Variants in SLC14A2 observed in about 807,000 individuals in gnomAD.
SLC14A2 encodes the protein urea transporter 2.
A neutral mutation model predicts 104.6 loss-of-function variants in SLC14A2; 91 were observed. The observed-to-expected ratio is 0.87, with a 90% CI of 0.73 to 1.04. The LOEUF (loss-of-function observed/expected upper bound fraction) is 1.04, where lower values mean the gene tolerates loss of function less well. Among genes scored for constraint, SLC14A2 ranks in the 50% least tolerant of loss-of-function variants. SLC14A2 has a pLI of 0.00. For missense variants in SLC14A2, 1,189 were observed against 1,156.0 expected (o/e 1.03, Z -0.41); for synonymous variants, 476 against 466.4 (o/e 1.02, Z -0.27).
chr18:45,625,555 C>G, intron 2 of SLC14A2, 128 bp from the exon 3 acceptor site: 1 of 648,076 alleles, frequency 1.5e-6, no homozygotes, highest in Non-Finnish European at 2.5e-6. Context: ...AGACAATGGG[C>G]ATGTGTTCCA....
At chr18:45,607,177 G>T (rs1325584634) in intron 2 of SLC14A2, among the ~76,000 whole-genome samples, 2 of 152,184 alleles carry the variant, frequency 1.3e-5, no homozygotes, top group Non-Finnish European at 2.9e-5. Flanking sequence ...GGGGTAGCCA[G>T]AGGGTTTGGT....
At chr18:45,416,603 A>T (rs976903880) in intron 1 of SLC14A2, among the ~76,000 whole-genome samples, 1 of 152,058 alleles carries the variant, frequency 6.6e-6, no homozygotes, top group Non-Finnish European at 1.5e-5. Context: ...GTTGTATATG[A>T]TCATTGTTGT....
At chr18:45,363,069 C>A (rs377715167) in intron 1 of SLC14A2, among the ~76,000 whole-genome samples, 1 of 152,192 alleles carries the variant, frequency 6.6e-6, no homozygotes, top group Non-Finnish European at 1.5e-5. Context: ...AACGACCCCC[C>A]CAACCCTCGG....
At chr18:45,283,935 C>T (rs1300897812) in intron 1 of SLC14A2, among the ~76,000 whole-genome samples, 1 of 152,054 alleles carries the variant, frequency 6.6e-6, no homozygotes, top group Admixed American at 6.5e-5. Context: ...AAAACATGTA[C>T]TGGATTTGAA....
intron 1 of SLC14A2, among the ~76,000 whole-genome samples, chr18:45,618,343 G>A (rs1418775051): frequency 1.3e-5 from 2 of 152,130 alleles, no homozygotes; most frequent in Non-Finnish European, 2.9e-5. Flanking sequence ...CTTCTCCAGA[G>A]CTGCTGTGGT....
At chr18:45,229,102 C>T (rs1337723365) in intron 1 of SLC14A2, among the ~76,000 whole-genome samples, 1 of 152,100 alleles carries the variant, frequency 6.6e-6, no homozygotes, top group Non-Finnish European at 1.5e-5. Flanking sequence ...GAATTATTGG[C>T]CTGTAGTCTT....
intron 2 of SLC14A2, among the ~76,000 whole-genome samples, chr18:45,604,061 G>C (rs2044828674): frequency 6.6e-6 from 1 of 152,186 alleles, no homozygotes; most frequent in Admixed American, 6.5e-5. Flanking sequence ...TCTGCAACAG[G>C]AATAAGCTGA....
intron 1 of SLC14A2, among the ~76,000 whole-genome samples, chr18:45,451,904 C>T (rs1466983490): frequency 6.6e-6 from 1 of 152,096 alleles, no homozygotes; most frequent in African/African-American, 2.4e-5. Flanking sequence ...ATCTGTTTGC[C>T]CTTTCTGCAA....
At chr18:45,568,976 TGA>T in intron 2 of SLC14A2, among the ~76,000 whole-genome samples, 1 of 152,354 alleles carries the variant, frequency 6.6e-6, no homozygotes, top group South Asian at 2.1e-4. Flanking sequence ...TGTTATGGAC[TGA>T]GAGCATTTCC....
At chr18:45,481,918 A>T (rs1895076) in intron 1 of SLC14A2, among the ~76,000 whole-genome samples, 61,904 of 152,010 alleles carry the variant, frequency 0.41, 13,510 homozygotes, top group South Asian at 0.54. Flanking sequence ...TTCAAGATTC[A>T]ACCTTAGTTT....
chr18:45,255,958 G>C (rs2084473534), intron 1 of SLC14A2, among the ~76,000 whole-genome samples: 1 of 152,076 alleles, frequency 6.6e-6, no homozygotes. Context: ...GATCTTAAAA[G>C]ACTAAGCCTT....
At chr18:45,215,402 C>T (rs2084001043) in intron 1 of SLC14A2, among the ~76,000 whole-genome samples, 1 of 151,980 alleles carries the variant, frequency 6.6e-6, no homozygotes, top group African/African-American at 2.4e-5. Context: ...CCTAGTTTTT[C>T]CCTTATTGAA....
At chr18:45,381,653 C>T (rs1345678891) in intron 1 of SLC14A2, among the ~76,000 whole-genome samples, 1 of 152,166 alleles carries the variant, frequency 6.6e-6, no homozygotes, top group Non-Finnish European at 1.5e-5. Context: ...TGACTGGGAA[C>T]AAAATTTGTA....
intron 19 of SLC14A2, among the ~76,000 whole-genome samples, chr18:45,680,109 A>G (rs772402576): frequency 6.6e-6 from 1 of 152,208 alleles, no homozygotes; most frequent in Non-Finnish European, 1.5e-5. Flanking sequence ...GCGAAGCATC[A>G]GAAACTCTGA....
At chr18:45,487,297 C>T (rs1033416731) in intron 2 of SLC14A2, among the ~76,000 whole-genome samples, 1 of 152,230 alleles carries the variant, frequency 6.6e-6, no homozygotes, top group African/African-American at 2.4e-5. Context: ...TCTCTGGCCA[C>T]AGCCAAGAAA....
At chr18:45,656,039 G>C (rs2045830274) in intron 10 of SLC14A2, among the ~76,000 whole-genome samples, 1 of 152,160 alleles carries the variant, frequency 6.6e-6, no homozygotes, top group Admixed American at 6.6e-5. Context: ...AGGATCACTT[G>C]GTTACACGGA....
chr18:45,426,629 T>C (rs1489402587), intron 1 of SLC14A2, among the ~76,000 whole-genome samples: 1 of 148,542 alleles, frequency 6.7e-6, no homozygotes, highest in Non-Finnish European at 1.5e-5. Flanking sequence ...CACATATATA[T>C]ACTATATATC....
the SLC14A2 span, among the ~76,000 whole-genome samples, chr18:45,187,472 A>C: frequency 6.6e-6 from 1 of 152,204 alleles, no homozygotes; most frequent in Admixed American, 6.5e-5. Flanking sequence ...GGGGGTACTA[A>C]AATTGCAAAC....
At chr18:45,168,346 G>A in the SLC14A2 span, among the ~76,000 whole-genome samples, 1 of 152,172 alleles carries the variant, frequency 6.6e-6, no homozygotes, top group Non-Finnish European at 1.5e-5. Flanking sequence ...TGAATACCAT[G>A]TGGGCTTTGG....
Sources: gnomAD v4.1 joint callset for allele counts (sites outside exome capture counted in the v4.1 genomes callset) on GRCh38, gnomAD v4.1.1 for gene constraint, MANE v1.5 for transcripts, NCBI Gene and HGNC (gene_info 2026-07-23, HGNC 2026-07-21) for gene names.